The following THSD7A variants were observed in gnomAD, a reference collection of about 807,000 sequenced individuals.
The protein encoded by THSD7A is thrombospondin type 1 domain containing 7A, also known as thrombospondin type-1 domain-containing protein 7A.
Under a neutral mutation model 231.3 loss-of-function variants are expected in THSD7A, and 96 were observed. The ratio of observed to expected loss-of-function variants is 0.41; its 90% CI spans 0.35 to 0.49. The LOEUF (loss-of-function observed/expected upper bound fraction) is 0.49. THSD7A is among the 20% of genes least tolerant of loss of function. The pLI, the probability that THSD7A is intolerant of heterozygous loss-of-function variation, is 0.05. For missense variants in THSD7A, 2,290 were observed against 2,070.2 expected (o/e 1.11, Z -2.06); for synonymous variants, 940 against 743.3 (o/e 1.26, Z -4.30).
chr7:11,567,513 T>C (rs935970898), intron 4 of THSD7A, among the ~76,000 whole-genome samples: 5 of 152,180 alleles, frequency 3.3e-5, no homozygotes, highest in Admixed American at 6.5e-5. Context: ...CAGGAAGAAA[T>C]TTTATTGCTT....
At chr7:11,674,199 TG>T (rs1252368575) in intron 1 of THSD7A, among the ~76,000 whole-genome samples, 1 of 151,952 alleles carries the variant, frequency 6.6e-6, no homozygotes, top group African/African-American at 2.4e-5. Context: ...CTCTAGTCAC[TG>T]AAGTAGGCAC....
At chr7:11,708,891 A>C (rs1780856565) in intron 1 of THSD7A, among the ~76,000 whole-genome samples, 1 of 150,820 alleles carries the variant, frequency 6.6e-6, no homozygotes, top group Admixed American at 6.6e-5. Flanking sequence ...GACACTGTAC[A>C]TGGGCAAATA....
rs148540268 is a variant in THSD7A at position 11,482,967 on chromosome 7, A to G, written c.1823-985T>C. On this transcript the variant is annotated intron_variant, in intron 6 of 27. Coordinates refer to ENST00000423059, the MANE Select transcript of THSD7A (RefSeq NM_015204.3). ...GAACTCTATGGTTTAGTTGATTAAT[A>G]TAGGTGGTTAACGAGGTCAAGGGAA... Among the ~76,000 whole-genome samples the G allele has an allele frequency of 7.4e-3, 1,127 of 152,330 alleles. 11 individuals are homozygous for G. Among genetic ancestry groups the G allele is most frequent in the African/African-American group, 0.025 (1,043 of 41,566 alleles).
chr7:11,382,816 C>T (rs1197992455), intron 23 of THSD7A, among the ~76,000 whole-genome samples, 200 bp from the exon 24 acceptor site: 1 of 151,828 alleles, frequency 6.6e-6, no homozygotes, highest in Non-Finnish European at 1.5e-5. Flanking sequence ...TTTTCCATGT[C>T]TGCTGTCACA....
At chr7:11,610,832 C>A (rs1050435628) in intron 2 of THSD7A, among the ~76,000 whole-genome samples, 4 of 152,052 alleles carry the variant, frequency 2.6e-5, no homozygotes, top group Non-Finnish European at 5.9e-5. Context: ...TGGAAAAGTG[C>A]CCATTGTTGG....
intron 2 of THSD7A, among the ~76,000 whole-genome samples, chr7:11,609,598 G>A (rs1165385752): frequency 6.6e-6 from 1 of 152,068 alleles, no homozygotes; most frequent in Non-Finnish European, 1.5e-5. Flanking sequence ...AAGAAGAGCT[G>A]CCTAAAAAGA....
intron 4 of THSD7A, among the ~76,000 whole-genome samples, chr7:11,579,379 T>C (rs2128337251): frequency 6.6e-6 from 1 of 152,048 alleles, no homozygotes; most frequent in African/African-American, 2.4e-5. Flanking sequence ...TCTGAAAAAA[T>C]GCTACTCATT....
At chr7:11,484,224 G>C (rs911356774) in intron 6 of THSD7A, among the ~76,000 whole-genome samples, 1 of 151,998 alleles carries the variant, frequency 6.6e-6, no homozygotes, top group Non-Finnish European at 1.5e-5. Flanking sequence ...AACCCTTCCA[G>C]GTATGATCTT....
Position 11,446,430 on chromosome 7 carries a change from C to A in THSD7A, c.2801-106G>T. 12 of 1,262,322 alleles carry A rather than the reference C, an allele frequency of 9.5e-6. No individual in the cohort carries two copies. The highest frequency in any genetic ancestry group is 1.3e-5 in the Non-Finnish European group (12 of 916,464). 78.2% of individuals were successfully genotyped at this position (1,262,322 alleles called of 1,614,324 possible). On this transcript the variant is annotated intron_variant, in intron 12 of 27. Coordinates refer to ENST00000423059, the MANE Select transcript of THSD7A (RefSeq NM_015204.3). The surrounding 1 kb of genome is among the most constrained non-coding windows in gnomAD (Gnocchi z 4.0). ...CTAATTTCTTTTTCTTCATTTTTAA[C>A]CATATTTAACAGTAGCCTATAAATC...
At chr7:11,672,127 C>G (rs1783419316) in intron 1 of THSD7A, among the ~76,000 whole-genome samples, 1 of 152,104 alleles carries the variant, frequency 6.6e-6, no homozygotes, top group Non-Finnish European at 1.5e-5. Context: ...GACATCACAA[C>G]TTTGAAGCTG....
intron 1 of THSD7A, among the ~76,000 whole-genome samples, chr7:11,648,282 G>C (rs543509212): frequency 6.6e-6 from 1 of 151,888 alleles, no homozygotes; most frequent in Admixed American, 6.6e-5. Flanking sequence ...TGCAAGTAGC[G>C]CCAAAATATT....
chr7:11,475,626 A>C (rs983461106), intron 7 of THSD7A, among the ~76,000 whole-genome samples: 1 of 148,582 alleles, frequency 6.7e-6, no homozygotes, highest in African/African-American at 2.5e-5. Context: ...ACATATATAT[A>C]ACATATATAT....
At position 11,590,706 on chromosome 7, in the gene THSD7A, T is replaced by C. The variant is rs543435632; in HGVS notation, c.1272-65A>G. On this transcript the variant is annotated intron_variant, in intron 3 of 27. Coordinates refer to ENST00000423059, the MANE Select transcript of THSD7A (RefSeq NM_015204.3). This position sits in a 1 kb window ranked among gnomAD's most constrained non-coding sequence, Gnocchi z 4.4. ...TGAATGACGTGTTTCTCTACTCCTG[T>C]CATACTTTGTTTTAACGAAAATTAG... 9.4e-6 allele frequency: 14 copies of C among 1,494,686 alleles called. No individual in the cohort carries two copies. The Admixed American group carries it at 1.2e-4, about 13-fold the overall frequency. The allele number at this position is 1,494,686 out of a possible 1,614,324, so 92.6% of individuals were successfully genotyped here.
chr7:11,751,215 A>G (rs1481084895), intron 1 of THSD7A: 1 of 152,092 alleles, frequency 6.6e-6, no homozygotes, highest in Non-Finnish European at 1.5e-5. Flanking sequence ...CCCTGGCCGT[A>G]AGCCGGATAG....
intron 4 of THSD7A, 126 bp from the exon 5 acceptor site, chr7:11,543,243 A>T: frequency 1.4e-6 from 1 of 734,008 alleles, no homozygotes; most frequent in Non-Finnish European, 2.1e-6. Context: ...CATTATTCCA[A>T]TGCTTCTCAG....
At chr7:11,384,463 C>T (rs535289039) in intron 23 of THSD7A, 22 of 151,708 alleles carry the variant, frequency 1.5e-4, no homozygotes, top group African/African-American at 4.8e-4. Context: ...ATGAAAATAT[C>T]CTCTTATATT....
intron 13 of THSD7A, among the ~76,000 whole-genome samples, chr7:11,430,655 A>T (rs1784453507): frequency 6.6e-6 from 1 of 151,394 alleles, no homozygotes; most frequent in African/African-American, 2.4e-5. Flanking sequence ...TATATATTTT[A>T]TAGAGATGAG....
At chr7:11,582,206 C>A (rs1791196331) in intron 4 of THSD7A, among the ~76,000 whole-genome samples, 1 of 151,508 alleles carries the variant, frequency 6.6e-6, no homozygotes, top group East Asian at 1.9e-4. Flanking sequence ...TGGATTGGAA[C>A]AATATATATG....
At chr7:11,505,787 C>T (rs1394813662) in intron 6 of THSD7A, among the ~76,000 whole-genome samples, 5 of 152,114 alleles carry the variant, frequency 3.3e-5, no homozygotes, top group South Asian at 2.1e-4. Context: ...GCATGCCAAA[C>T]GACTGCCATC....
Sources: gnomAD v4.1 joint callset for allele counts (sites outside exome capture counted in the v4.1 genomes callset) on GRCh38, gnomAD v4.1.1 for gene constraint, Gnocchi (gnomAD v3.1) non-coding constraint, MANE v1.5 for transcripts, NCBI Gene and HGNC (gene_info 2026-07-23, HGNC 2026-07-21) for gene names.